PFKP: variants seen among roughly 807,000 people sequenced by gnomAD.
PFKP encodes phosphofructokinase, platelet, also known as ATP-dependent 6-phosphofructokinase, platelet type.
In PFKP, 101 loss-of-function variants were observed where a neutral mutation model predicts 94.3. The observed-to-expected ratio is 1.07, with a 90% CI of 0.91 to 1.26. The LOEUF is 1.26. Ranked by LOEUF, PFKP falls within the 50% of genes most tolerant of loss-of-function variation. PFKP has a pLI of 0.00. For synonymous variants in PFKP, 573 were observed against 432.6 expected (o/e 1.32, Z -4.03); for missense variants, 1,145 against 1,103.3 (o/e 1.04, Z -0.53).
At chr10:3,081,134 A>G (rs1018352394) in intron 1 of PFKP, among the ~76,000 whole-genome samples, 5 of 152,264 alleles carry the variant, frequency 3.3e-5, no homozygotes, top group African/African-American at 1.2e-4. Flanking sequence ...GATACATAGT[A>G]AACATGCATT....
intron 3 of PFKP, chr10:3,101,047 T>C: frequency 2.7e-6 from 4 of 1,459,850 alleles, no homozygotes; most frequent in Middle Eastern, 3.7e-4. Context: ...TTGAGCTCGT[T>C]GGCCGGTGCT....
chr10:3,110,426 C>T (rs148533853), intron 10 of PFKP, among the ~76,000 whole-genome samples: 2,290 of 146,262 alleles, frequency 0.016, 59 homozygotes, highest in African/African-American at 0.055. Context: ...CCGTGTTAGC[C>T]AGGATGGTCT....
chr10:3,093,272 C>T (rs1284307989), intron 2 of PFKP, among the ~76,000 whole-genome samples: 2 of 152,128 alleles, frequency 1.3e-5, no homozygotes, highest in Non-Finnish European at 2.9e-5. Context: ...GTTGAAAGAC[C>T]AAGCAAGGTT....
At position 3,109,406 on chromosome 10, in the gene PFKP, G is replaced by A. The variant is rs746208647; in HGVS notation, c.1015G>A (p.Asp339Asn). The change falls in exon 10 of 22, where the codon GAC becomes AAC. Residue 339 changes from aspartate (D) to asparagine (N), a missense_variant. This residue lies in a region of PFKP where 1,119 missense variants were observed against 1,062.8 expected (regional missense o/e 1.05). Transcript: ENST00000381125. ...AVIALLEATP[D>N]TPACVVSLNG... The stretch of plus-strand genomic sequence containing the variant: ...CATCGCCTTGCTAGAGGCCACCCCG[G>A]ACACCCCAGCTTGCGTCGTGTCACT... 1.1e-5 allele frequency: 18 copies of A among 1,610,460 alleles called. No homozygotes were observed. The South Asian group carries it at 1.6e-4, about 15-fold the overall frequency.
chr10:3,094,311 G>A (rs2131499635), intron 2 of PFKP, among the ~76,000 whole-genome samples: 1 of 152,344 alleles, frequency 6.6e-6, no homozygotes, highest in East Asian at 1.9e-4. Context: ...TGATGCCAGA[G>A]GGCTAAATAC....
intron 4 of PFKP, among the ~76,000 whole-genome samples, chr10:3,102,164 T>C (rs1040415955): frequency 1.4e-4 from 18 of 132,584 alleles, no homozygotes; most frequent in African/African-American, 4.7e-4. Context: ...GGCAGGAGAA[T>C]GGCGTGAACC....
At chr10:3,118,090 G>A (rs1837012264) in intron 14 of PFKP, among the ~76,000 whole-genome samples, 2 of 152,148 alleles carry the variant, frequency 1.3e-5, no homozygotes, top group South Asian at 4.1e-4. Context: ...CATGGGGGAG[G>A]GAGAGCAGGT....
chr10:3,072,093 G>A (rs115368384), intron 1 of PFKP, among the ~76,000 whole-genome samples: 65 of 152,356 alleles, frequency 4.3e-4, no homozygotes, highest in African/African-American at 1.6e-3. Context: ...CTCCTGCCTG[G>A]AATCTCCACT....
chr10:3,098,971 A>G (rs533087302), intron 2 of PFKP, among the ~76,000 whole-genome samples: 1 of 152,144 alleles, frequency 6.6e-6, no homozygotes, highest in East Asian at 1.9e-4. Flanking sequence ...ACCCCTTTCA[A>G]CCTCTAGCGA....
intron 14 of PFKP, 82 bp downstream of exon 14, chr10:3,116,928 G>T (rs945763510): frequency 2.8e-6 from 3 of 1,088,072 alleles, no homozygotes; most frequent in Non-Finnish European, 4.3e-6. Flanking sequence ...GCTGGGTGCC[G>T]ACGCCAGTTG....
In PFKP at chr10:3,132,472, C is replaced by T. The variant is rs1215306871; in HGVS notation, c.1910+31C>T. 4.8e-6 allele frequency: 7 copies of T among 1,450,826 alleles called. No individual in the cohort carries two copies. The African/African-American group carries it at 5.6e-5, about 12-fold the overall frequency. The allele number at this position is 1,450,826 out of a possible 1,614,324, so 89.9% of individuals were successfully genotyped here. On this transcript the variant is annotated intron_variant, in intron 18 of 21. Coordinates refer to ENST00000381125, the MANE Select transcript of PFKP (RefSeq NM_002627.5). ...AGAGAGAGACCAGGGGCTGATCTTA[C>T]CCTCACCGCCACACCCTGGTTCTTA...
Position 3,113,966 on chromosome 10 carries a change from A to C in PFKP, c.1371+448A>C, listed in dbSNP as rs189088968. On this transcript the variant is annotated intron_variant, in intron 13 of 21. Coordinates refer to ENST00000381125, the MANE Select transcript of PFKP (RefSeq NM_002627.5). ...TATCCAGTTGTTCTGTGGGATTGAC[A>C]TGTGTTCACCCATTTAAGCCTCACA... Among the ~76,000 whole-genome samples, 4 of 152,254 alleles carry C rather than the reference A, an allele frequency of 2.6e-5. No homozygotes were observed. In the East Asian group the frequency reaches 7.7e-4, roughly 29 times the overall value.
intron 2 of PFKP, among the ~76,000 whole-genome samples, chr10:3,096,469 G>A (rs1834487285): frequency 6.6e-6 from 1 of 152,160 alleles, no homozygotes. Flanking sequence ...GGAGCCCCAG[G>A]TTTACGGCCG....
At chr10:3,107,900 G>A (rs769885510) in intron 8 of PFKP, 2 of 1,289,546 alleles carry the variant, frequency 1.6e-6, no homozygotes, top group South Asian at 1.2e-5. Context: ...AGACGGGGCT[G>A]CAGGCTGCCG....
At position 3,101,541 on chromosome 10, in the gene PFKP, G is replaced by A. The variant is rs1163259005; in HGVS notation, c.441G>A (p.Glu147=). Residue 147 remains glutamate, a synonymous_variant, in exon 4 of 22, where the codon GAG becomes GAA. Coordinates refer to ENST00000381125, the MANE Select transcript of PFKP (RefSeq NM_002627.5). ...FRKEWSGLLE[E]LARNGQIDKE... Reference sequence around the variant, plus strand: ...AGGAGTGGAGTGGGCTGCTGGAGGAGCTGGCCAGGAACGGTGAGTGGACAC... The same window carrying A: ...AGGAGTGGAGTGGGCTGCTGGAGGAACTGGCCAGGAACGGTGAGTGGACAC... The A allele has an allele frequency of 6.4e-7, 1 of 1,552,666 alleles. No homozygotes were observed. Among genetic ancestry groups the A allele is most frequent in the Non-Finnish European group, 8.7e-7 (1 of 1,148,674 alleles).
intron 2 of PFKP, among the ~76,000 whole-genome samples, chr10:3,088,558 CT>C (rs1833809727): frequency 6.6e-6 from 1 of 152,172 alleles, no homozygotes; most frequent in Non-Finnish European, 1.5e-5. Flanking sequence ...TCCCACCTCT[CT>C]TTGCAGGGGT....
intron 1 of PFKP, among the ~76,000 whole-genome samples, chr10:3,068,124 G>T (rs1425561220): frequency 6.6e-6 from 1 of 152,174 alleles, no homozygotes; most frequent in African/African-American, 2.4e-5. Context: ...GGACGGGGCC[G>T]GGCGTCCCCT....
At chr10:3,120,201 ACT>A (rs907813122) in intron 16 of PFKP, among the ~76,000 whole-genome samples, 157 bp downstream of exon 16, 30 of 151,968 alleles carry the variant, frequency 2.0e-4, no homozygotes, top group Non-Finnish European at 1.5e-4. Flanking sequence ...ATGTTTTAAG[ACT>A]CTGAAAATTT....
chr10:3,079,503 G>A (rs1832860368), intron 1 of PFKP, among the ~76,000 whole-genome samples: 1 of 152,038 alleles, frequency 6.6e-6, no homozygotes, highest in Non-Finnish European at 1.5e-5. Flanking sequence ...CAAAGCACTG[G>A]GATTACAGGC....
Sources: allele counts gnomAD v4.1 joint callset (sites outside exome capture counted in the v4.1 genomes callset), GRCh38; gene constraint gnomAD v4.1.1; regional missense constraint gnomAD v4.1.1; transcripts MANE v1.5; gene names NCBI Gene and HGNC (gene_info 2026-07-23, HGNC 2026-07-21).